ADORA2A: variants seen among roughly 807,000 people sequenced by gnomAD.
ADORA2A encodes the protein adenosine receptor A2a.
ADORA2A carries 11 observed loss-of-function variants against 18.4 expected under a neutral mutation model. The ratio of observed to expected loss-of-function variants is 0.60; its 90% CI spans 0.38 to 0.99. The LOEUF is 0.99. Ranked by LOEUF, ADORA2A falls within the 50% of genes least tolerant of loss-of-function variation. The pLI, the probability that ADORA2A is intolerant of heterozygous loss-of-function variation, is 0.01. For synonymous variants in ADORA2A, 218 were observed against 237.3 expected (o/e 0.92, Z 0.75); for missense variants, 449 against 556.1 (o/e 0.81, Z 1.94).
rs200932199 is a variant in ADORA2A at position 24,433,361 on chromosome 22, G to A, written c.-44G>A. On this transcript the variant is annotated 5_prime_UTR_variant, in exon 2 of 3. Transcript: ENST00000337539. The stretch of plus-strand genomic sequence containing the variant: ...GGGCTGCAGCAATGGACCGTGAGCT[G>A]GCCCAGCCCGCGTCCGTGCTGAGCC... The A allele has an allele frequency of 2.7e-5, 41 of 1,538,814 alleles. No homozygotes were observed. Among genetic ancestry groups the A allele is most frequent in the Non-Finnish European group, 2.5e-5 (29 of 1,137,712 alleles).
At position 24,433,631 on chromosome 22, in the gene ADORA2A, G is replaced by T; in HGVS notation, c.227G>T (p.Gly76Val). ...ISTGFCAACH[G>V]CLFIACFVLV... ...ACCGGGTTCTGCGCTGCCTGCCACG[G>T]CTGCCTCTTCATTGCCTGCTTCGTC... Residue 76 changes from glycine (G) to valine (V), a missense_variant, in exon 2 of 3, where the codon GGC becomes GTC. Coordinates refer to ENST00000337539, the MANE Select transcript of ADORA2A (RefSeq NM_000675.6). 6.2e-7 allele frequency: 1 copy of T among 1,613,772 alleles called. No individual in the cohort carries two copies. Among genetic ancestry groups the T allele is most frequent in the African/African-American group, 1.3e-5 (1 of 75,078 alleles).
rs780201352 is a variant in ADORA2A, at chr22:24,441,068, C to G, written c.818C>G (p.Ala273Gly). Residue 273 changes from alanine to glycine, a missense_variant, in exon 3 of 3, where the codon GCC becomes GGC. Coordinates refer to ENST00000337539, the MANE Select transcript of ADORA2A (RefSeq NM_000675.6). ...GCCCCTCTCTGGCTCATGTACCTGG[C>G]CATCGTCCTCTCCCACACCAATTCG... ...SHAPLWLMYLAIVLSHTNSVV... is the reference protein window; with the variant it reads ...SHAPLWLMYLGIVLSHTNSVV... 1.2e-6 allele frequency: 2 copies of G among 1,614,128 alleles called. No homozygotes were observed. Among genetic ancestry groups the G allele is most frequent in the South Asian group, 2.2e-5 (2 of 91,084 alleles).
intron 1 of ADORA2A, chr22:24,431,663 A>C (rs1245363927): frequency 2.7e-6 from 1 of 373,214 alleles, no homozygotes; most frequent in African/African-American, 2.1e-5. Context: ...CAACACACTC[A>C]TAGGGCCCCA....
upstream of ADORA2A, among the ~76,000 whole-genome samples, chr22:24,427,140 C>A (rs1380157006): frequency 6.6e-6 from 1 of 152,162 alleles, no homozygotes. Flanking sequence ...CCCCAGAGGC[C>A]CCGGGCTGGT....
At chr22:24,428,652 CAT>C (rs2146866205) in intron 1 of ADORA2A, among the ~76,000 whole-genome samples, 1 of 152,274 alleles carries the variant, frequency 6.6e-6, no homozygotes, top group South Asian at 2.1e-4. Context: ...AATTCACCTC[CAT>C]GTTTTTTATT....
intron 1 of ADORA2A, chr22:24,432,414 CA>C (rs2043062784): frequency 1.3e-5 from 2 of 152,910 alleles, no homozygotes; most frequent in African/African-American, 4.8e-5. Context: ...TGGAGCAGGC[CA>C]GGGGGGCTGA....
chr22:24,437,087 G>C (rs1411592622), intron 2 of ADORA2A, among the ~76,000 whole-genome samples: 1 of 152,180 alleles, frequency 6.6e-6, no homozygotes, highest in South Asian at 2.1e-4. Flanking sequence ...TACTCCTCAG[G>C]TTGGGACATG....
intron 2 of ADORA2A, among the ~76,000 whole-genome samples, chr22:24,434,775 G>A (rs999704996): frequency 1.3e-5 from 2 of 152,382 alleles, no homozygotes; most frequent in Admixed American, 1.3e-4. Context: ...CCAGCTAGAT[G>A]AGCAAATGGA....
chr22:24,433,625 G>A lies in ADORA2A; in HGVS notation c.221G>A (p.Cys74Tyr). 1.9e-6 allele frequency: 3 copies of A among 1,613,828 alleles called. No homozygotes were observed. Among genetic ancestry groups the A allele is most frequent in the South Asian group, 2.2e-5 (2 of 91,086 alleles). The change falls in exon 2 of 3, where the codon TGC becomes TAC. Residue 74 changes from cysteine to tyrosine, a missense_variant. Transcript: ENST00000337539. ...ATCAGCACCGGGTTCTGCGCTGCCT[G>A]CCACGGCTGCCTCTTCATTGCCTGC... ...ITISTGFCAA[C>Y]HGCLFIACFV...
upstream of ADORA2A, among the ~76,000 whole-genome samples, chr22:24,426,946 G>T (rs1301370111): frequency 6.6e-6 from 1 of 152,210 alleles, no homozygotes; most frequent in Admixed American, 6.5e-5. Flanking sequence ...GGGGAAGCTT[G>T]TTCCAGGAGT....
At chr22:24,424,225 A>G (rs1393994710), upstream of ADORA2A, among the ~76,000 whole-genome samples, 1 of 151,630 alleles carries the variant, frequency 6.6e-6, no homozygotes, top group Non-Finnish European at 1.5e-5. This position sits in a 1 kb window ranked among gnomAD's most constrained non-coding sequence, Gnocchi z 4.9. Flanking sequence ...TCCCAGGCGC[A>G]GTTGCGGCGC....
At chr22:24,425,334 A>C (rs1201001719), upstream of ADORA2A, among the ~76,000 whole-genome samples, 7 of 85,102 alleles carry the variant, frequency 8.2e-5, no homozygotes, top group Admixed American at 2.3e-4. Context: ...CCCTGTGGGC[A>C]GCACCCCCCC....
Position 24,433,197 on chromosome 22 carries a change from G to C in ADORA2A, c.-208G>C. On this transcript the variant is annotated 5_prime_UTR_variant, in exon 2 of 3. Transcript: ENST00000337539. ...CTGCCAGAACCCCTGCAGAGGGCCT[G>C]GTTTCAGGAGACTCAGAGTCCTCTG... The C allele has an allele frequency of 1.7e-6, 1 of 598,742 alleles. No homozygotes were observed. The highest frequency in any genetic ancestry group is 2.0e-5 in the South Asian group (1 of 50,046). 37.1% of individuals were successfully genotyped at this position (598,742 alleles called of 1,614,324 possible).
chr22:24,434,078 C>T (rs1424841206), intron 2 of ADORA2A, among the ~76,000 whole-genome samples: 1 of 152,232 alleles, frequency 6.6e-6, no homozygotes, highest in African/African-American at 2.4e-5. Context: ...CAGTGACCCA[C>T]GTGCTGCCAG....
At chr22:24,425,576 AGCCAGGGGCAGCCCAGTCACCTCTG>A (rs2042909973), upstream of ADORA2A, among the ~76,000 whole-genome samples, 1 of 152,236 alleles carries the variant, frequency 6.6e-6, no homozygotes, top group Non-Finnish European at 1.5e-5. Flanking sequence ...TGCCTCAGGA[AGCCAGGGGCAGCCCAGTCACCTCTG>A]GCCAGAGGCG....
chr22:24,440,784 G>T lies in ADORA2A; in HGVS notation c.534G>T (p.Val178=). The change falls in exon 3 of 3, where the codon GTG becomes GTT. Residue 178 remains valine (V), a synonymous_variant. Coordinates refer to ENST00000337539, the MANE Select transcript of ADORA2A (RefSeq NM_000675.6). The part of the protein sequence containing the change: ...FEDVVPMNYM[V]YFNFFACVLV... The stretch of plus-strand genomic sequence containing the variant: ...ATGTGGTCCCCATGAACTACATGGT[G>T]TACTTCAACTTCTTTGCCTGTGTGC... 6.2e-7 allele frequency: 1 copy of T among 1,614,232 alleles called. No individual in the cohort carries two copies. Among genetic ancestry groups the T allele is most frequent in the Non-Finnish European group, 8.5e-7 (1 of 1,180,044 alleles).
In ADORA2A at chr22:24,433,537, G is replaced by A; in HGVS notation, c.133G>A (p.Val45Met). ...CCTGCAGAACGTCACCAACTACTTT[G>A]TGGTGTCACTGGCGGCGGCCGACAT... ...SNLQNVTNYF[V>M]VSLAAADIAV... is the part of the protein sequence containing the mutation. The change falls in exon 2 of 3, where the codon GTG becomes ATG. Residue 45 changes from valine to methionine, a missense_variant. Coordinates refer to ENST00000337539, the MANE Select transcript of ADORA2A (RefSeq NM_000675.6). 1 of 1,614,236 alleles carries A rather than the reference G, an allele frequency of 6.2e-7. No homozygotes were observed.
chr22:24,436,410 T>G (rs5996697), intron 2 of ADORA2A, among the ~76,000 whole-genome samples: 2 of 151,748 alleles, frequency 1.3e-5, no homozygotes, highest in Admixed American at 6.6e-5. Flanking sequence ...ACTTTTTTTT[T>G]AAAAAAAAGA....
At chr22:24,425,337 A>ACCCCCCCCCCCCCCCCCCCCCCCC (rs398036656), upstream of ADORA2A, among the ~76,000 whole-genome samples, 14 of 82,356 alleles carry the variant, frequency 1.7e-4, no homozygotes, top group Admixed American at 5.1e-4. Flanking sequence ...TGTGGGCAGC[A>ACCCCCCCCCCCCCCCCCCCCCCCC]CCCCCCCCCC....
Sources: allele counts gnomAD v4.1 joint callset (sites outside exome capture counted in the v4.1 genomes callset), GRCh38; gene constraint gnomAD v4.1.1; non-coding constraint Gnocchi (gnomAD v3.1); transcripts MANE v1.5; gene names NCBI Gene and HGNC (gene_info 2026-07-23, HGNC 2026-07-21).